The following JMJD1C variants were observed in gnomAD, a reference collection of about 807,000 sequenced individuals.
JMJD1C encodes jumonji domain-containing protein 1C.
Under a neutral mutation model 245.3 loss-of-function variants are expected in JMJD1C, and 31 were observed. The observed-to-expected ratio is 0.13, with a 90% CI of 0.09 to 0.17. JMJD1C has a LOEUF of 0.17. Among genes scored for constraint, JMJD1C ranks in the 10% least tolerant of loss-of-function variants. The probability of loss-of-function intolerance (pLI) is 1.00; values close to 1 mark genes in which losing one functional copy is unlikely to be tolerated. For missense variants in JMJD1C, 2,691 were observed against 3,000.2 expected (o/e 0.90, Z 2.41); for synonymous variants, 1,057 against 1,017.4 (o/e 1.04, Z -0.74).
chr10:63,376,522 A>G (rs751959149), intron 2 of JMJD1C, among the ~76,000 whole-genome samples: 1 of 152,212 alleles, frequency 6.6e-6, no homozygotes, highest in African/African-American at 2.4e-5. Context: ...CAAATCATGT[A>G]TCTAAAAGGG....
intron 2 of JMJD1C, among the ~76,000 whole-genome samples, chr10:63,280,458 G>A (rs1167117912): frequency 2.0e-5 from 3 of 152,108 alleles, no homozygotes; most frequent in Admixed American, 1.3e-4. Flanking sequence ...GCTGAGGCAG[G>A]AGAATAGCTT....
At chr10:63,430,192 TCAAAA>T (rs1215865041) in intron 1 of JMJD1C, among the ~76,000 whole-genome samples, 1 of 151,966 alleles carries the variant, frequency 6.6e-6, no homozygotes, top group Non-Finnish European at 1.5e-5. Flanking sequence ...CAAAACTAAC[TCAAAA>T]CAAATCAGAG....
intron 1 of JMJD1C, among the ~76,000 whole-genome samples, chr10:63,483,825 G>A (rs1953900799): frequency 6.6e-6 from 1 of 151,932 alleles, no homozygotes; most frequent in Non-Finnish European, 1.5e-5. Context: ...TTTTTAATTT[G>A]TCCTTTCTTC....
chr10:63,216,373 TA>T (rs148928116), intron 5 of JMJD1C, among the ~76,000 whole-genome samples: 20 of 150,576 alleles, frequency 1.3e-4, no homozygotes, highest in South Asian at 2.1e-4. Flanking sequence ...TGTATTAAGT[TA>T]AAAAAAAAAT....
chr10:63,315,690 C>T (rs1939916971), intron 2 of JMJD1C, among the ~76,000 whole-genome samples: 1 of 151,396 alleles, frequency 6.6e-6, no homozygotes, highest in African/African-American at 2.4e-5. Context: ...AAATACAAAA[C>T]TTAGATTGGC....
At chr10:63,440,858 T>C (rs1183092950) in intron 1 of JMJD1C, among the ~76,000 whole-genome samples, 2 of 152,166 alleles carry the variant, frequency 1.3e-5, no homozygotes, top group Non-Finnish European at 2.9e-5. Context: ...TCAATTCATA[T>C]AACAACCCTT....
intron 1 of JMJD1C, among the ~76,000 whole-genome samples, chr10:63,406,017 A>C (rs1263531968): frequency 6.6e-6 from 1 of 152,220 alleles, no homozygotes; most frequent in Non-Finnish European, 1.5e-5. Context: ...AGGAAAACCA[A>C]ACAAGCCCAT....
intron 2 of JMJD1C, among the ~76,000 whole-genome samples, chr10:63,330,601 T>C (rs537144094): frequency 2.8e-4 from 42 of 152,326 alleles, no homozygotes; most frequent in Non-Finnish European, 4.4e-4. Flanking sequence ...ATTTAAAATA[T>C]TGAAGTTCCT....
chr10:63,359,774 A>G (rs1217839844), intron 2 of JMJD1C, among the ~76,000 whole-genome samples: 2 of 152,204 alleles, frequency 1.3e-5, no homozygotes, highest in Non-Finnish European at 2.9e-5. Flanking sequence ...GAAAGTACTG[A>G]AAGTTGTTAT....
chr10:63,386,173 C>T (rs570767162), intron 1 of JMJD1C, among the ~76,000 whole-genome samples: 23 of 152,236 alleles, frequency 1.5e-4, no homozygotes, highest in African/African-American at 5.1e-4. Flanking sequence ...AGGTACTAGC[C>T]GGACCCCACC....
chr10:63,419,450 T>C (rs1949993245), intron 1 of JMJD1C, among the ~76,000 whole-genome samples: 1 of 151,986 alleles, frequency 6.6e-6, no homozygotes, highest in Non-Finnish European at 1.5e-5. Context: ...CATGTACTAA[T>C]AAAACAGACA....
At chr10:63,469,267 T>G (rs1032366722), upstream of JMJD1C, among the ~76,000 whole-genome samples, 1 of 152,222 alleles carries the variant, frequency 6.6e-6, no homozygotes, top group African/African-American at 2.4e-5. Flanking sequence ...ATAGAACACT[T>G]ACTATGTGTC....
At chr10:63,272,954 A>G (rs968899945) in intron 2 of JMJD1C, among the ~76,000 whole-genome samples, 7 of 152,220 alleles carry the variant, frequency 4.6e-5, no homozygotes, top group Non-Finnish European at 5.9e-5. Flanking sequence ...CAATTGCCTC[A>G]AAAGTCATAC....
intron 1 of JMJD1C, among the ~76,000 whole-genome samples, chr10:63,459,131 G>T (rs1452900421): frequency 1.3e-5 from 2 of 152,278 alleles, no homozygotes; most frequent in East Asian, 3.9e-4. Context: ...TAACATCTCT[G>T]AAGGATTTAG....
intron 3 of JMJD1C, among the ~76,000 whole-genome samples, chr10:63,263,874 G>C (rs1483371680): frequency 6.7e-6 from 1 of 149,314 alleles, no homozygotes; most frequent in Non-Finnish European, 1.5e-5. Context: ...GGAAGTTGCA[G>C]TGAACCAAGA....
intron 1 of JMJD1C, among the ~76,000 whole-genome samples, chr10:63,391,339 T>C (rs1210473600): frequency 6.6e-6 from 1 of 151,830 alleles, no homozygotes; most frequent in East Asian, 1.9e-4. Context: ...TGAAACCCCG[T>C]CTCTACTAAA....
intron 1 of JMJD1C, among the ~76,000 whole-genome samples, chr10:63,396,306 C>T (rs978137564): frequency 1.3e-5 from 2 of 152,080 alleles, no homozygotes; most frequent in Non-Finnish European, 2.9e-5. Context: ...CACTGTGGGC[C>T]GAAGATTACT....
At chr10:63,300,677 G>A (rs1479387912) in intron 2 of JMJD1C, among the ~76,000 whole-genome samples, 2 of 151,626 alleles carry the variant, frequency 1.3e-5, no homozygotes, top group African/African-American at 4.8e-5. Context: ...GATCTCATGA[G>A]GCCAAAGAGT....
chr10:63,478,892 A>T (rs36089084), intron 1 of JMJD1C, among the ~76,000 whole-genome samples: 30,656 of 152,096 alleles, frequency 0.2, 4,055 homozygotes, highest in Non-Finnish European at 0.29. Flanking sequence ...CTTGAGCCCA[A>T]GTGTTCAAGG....
Sources: gnomAD v4.1 joint callset for allele counts (sites outside exome capture counted in the v4.1 genomes callset) on GRCh38, gnomAD v4.1.1 for gene constraint, MANE v1.5 for transcripts, NCBI Gene and HGNC (gene_info 2026-07-23, HGNC 2026-07-21) for gene names.